Variants in COBL observed in about 807,000 individuals in gnomAD.
COBL encodes the protein protein cordon-bleu.
COBL carries 51 observed loss-of-function variants against 98.8 expected under a neutral mutation model. The ratio of observed to expected loss-of-function variants is 0.52; its 90% CI spans 0.41 to 0.65. The LOEUF is 0.65. Ranked by LOEUF, COBL falls within the 30% of genes least tolerant of loss-of-function variation. The pLI, the probability that COBL is intolerant of heterozygous loss-of-function variation, is 0.00. For synonymous variants in COBL, 634 were observed against 651.7 expected, an observed-to-expected ratio of 0.97 and a Z score of 0.41; for missense variants, 1,617 against 1,617.5, an observed-to-expected ratio of 1.00 and a Z score of 0.01.
intron 6 of COBL, among the ~76,000 whole-genome samples, chr7:51,097,858 C>G (rs1795420795): frequency 6.6e-6 from 1 of 151,776 alleles, no homozygotes; most frequent in Admixed American, 6.6e-5. Flanking sequence ...CCTGTCTCTA[C>G]TAAAAATACA....
chr7:51,180,936 G>A (rs1701306386), intron 5 of COBL, among the ~76,000 whole-genome samples: 1 of 152,116 alleles, frequency 6.6e-6, no homozygotes, highest in African/African-American at 2.4e-5. Flanking sequence ...TATTGCTTGT[G>A]GTTTTATTTC....
chr7:51,312,863 C>T (rs1803190993), intron 1 of COBL, among the ~76,000 whole-genome samples: 1 of 152,170 alleles, frequency 6.6e-6, no homozygotes. Context: ...TTTAATCATA[C>T]TTCAGTTCTA....
intron 4 of COBL, among the ~76,000 whole-genome samples, chr7:51,184,938 A>G (rs2129052768): frequency 6.6e-6 from 1 of 152,360 alleles, no homozygotes; most frequent in South Asian, 2.1e-4. Context: ...AAACAACTGC[A>G]TCAAATCTCC....
At chr7:51,098,224 C>CTTTTTTTGTTTTTTTTTTTTTTTTTTT (rs1795481249) in intron 6 of COBL, among the ~76,000 whole-genome samples, 1 of 100,846 alleles carries the variant, frequency 9.9e-6, no homozygotes, top group Non-Finnish European at 1.9e-5. Context: ...ATAGCAGTTT[C>CTTTTTTTGTTTTTTTTTTTTTTTTTTT]TTTTTTTTTT....
chr7:51,119,026 A>T (rs1441275672), intron 6 of COBL, among the ~76,000 whole-genome samples: 1 of 152,234 alleles, frequency 6.6e-6, no homozygotes, highest in African/African-American at 2.4e-5. Flanking sequence ...TTATTTTCTA[A>T]TATACAATTA....
chr7:51,027,942 G>A lies in COBL; in HGVS notation c.3154C>T (p.Pro1052Ser). Residue 1052 changes from proline (P) to serine (S), a missense_variant, in exon 10 of 13, where the codon CCT becomes TCT. Physicochemically the swap from Pro to Ser is moderately conservative, Grantham distance 74. Coordinates refer to ENST00000265136, the MANE Select transcript of COBL (RefSeq NM_015198.5). ...RAPGHGEPSH[P>S]PGGSGTESHI... ...CTTTCTGTGCCAGACCCTCCTGGAG[G>A]GTGGGAAGGCTCGCCGTGGCCTGGG... The A allele has an allele frequency of 1.2e-6, 2 of 1,612,836 alleles. No individual in the cohort carries two copies. Among genetic ancestry groups the A allele is most frequent in the East Asian group, 4.5e-5 (2 of 44,860 alleles).
chr7:51,154,600 C>G (rs1239535518), intron 5 of COBL, among the ~76,000 whole-genome samples: 1 of 152,214 alleles, frequency 6.6e-6, no homozygotes, highest in African/African-American at 2.4e-5. Flanking sequence ...GGCACCTCCC[C>G]TCCTCTCTGA....
At chr7:51,068,921 C>T (rs1792242355) in intron 7 of COBL, among the ~76,000 whole-genome samples, 1 of 152,196 alleles carries the variant, frequency 6.6e-6, no homozygotes, top group Non-Finnish European at 1.5e-5. Flanking sequence ...TCACTCTTCA[C>T]ATCTAAGGTT....
At chr7:51,141,810 GC>G (rs1799777864) in intron 5 of COBL, among the ~76,000 whole-genome samples, 1 of 152,120 alleles carries the variant, frequency 6.6e-6, no homozygotes, top group Non-Finnish European at 1.5e-5. Context: ...GGGCAGAGCA[GC>G]TCAGGTCTGT....
chr7:51,269,847 G>A (rs763812076), intron 1 of COBL, among the ~76,000 whole-genome samples: 1 of 152,184 alleles, frequency 6.6e-6, no homozygotes, highest in Non-Finnish European at 1.5e-5. Context: ...GACAAGAGGT[G>A]CTCTGTCTCC....
chr7:51,234,587 A>G (rs927924530), intron 1 of COBL, among the ~76,000 whole-genome samples: 1 of 151,788 alleles, frequency 6.6e-6, no homozygotes. Context: ...TGTAGCCCCA[A>G]CTATTCTGGT....
At chr7:51,202,593 T>C (rs141796759) in intron 2 of COBL, among the ~76,000 whole-genome samples, 2,133 of 152,214 alleles carry the variant, frequency 0.014, 49 homozygotes, top group African/African-American at 0.049. Context: ...CACAACACAA[T>C]CTTGAGCAAC....
chr7:51,111,688 A>G (rs993616069), intron 6 of COBL, among the ~76,000 whole-genome samples: 4 of 152,132 alleles, frequency 2.6e-5, no homozygotes, highest in African/African-American at 9.7e-5. Context: ...GGGCCCCTGC[A>G]TGCTCCTTGA....
chr7:51,115,752 A>G (rs1317740116), intron 6 of COBL, among the ~76,000 whole-genome samples: 1 of 152,074 alleles, frequency 6.6e-6, no homozygotes, highest in African/African-American at 2.4e-5. Context: ...AGTGTTGGTC[A>G]GATCCTCTAT....
rs531529738 is a variant in COBL at position 51,027,717 on chromosome 7, G to C, written c.3379C>G (p.Arg1127Gly). 1 of 1,611,752 alleles carries C rather than the reference G, an allele frequency of 6.2e-7. No homozygotes were observed. Among genetic ancestry groups the C allele is most frequent in the South Asian group, 1.1e-5 (1 of 90,712 alleles). ...IHSAGGKDRL[R>G]KTAEHTGEGR... ...CCGGAAGCCGCCATCCTCACCTTGCGTAGTCTGTCCTTCCCTCCCGCAGAG... is the reference window on the plus strand; with the variant it reads ...CCGGAAGCCGCCATCCTCACCTTGCCTAGTCTGTCCTTCCCTCCCGCAGAG... Residue 1127 changes from arginine (R) to glycine (G), a missense_variant, in exon 10 of 13, where the codon CGC becomes GGC. This residue lies in a region of COBL where 1,304 missense variants were observed against 1,282.0 expected (regional missense o/e 1.02). Transcript: ENST00000265136.
intron 1 of COBL, among the ~76,000 whole-genome samples, chr7:51,250,333 C>A (rs1381464045): frequency 6.6e-6 from 1 of 152,086 alleles, no homozygotes; most frequent in African/African-American, 2.4e-5. Context: ...TTTATTACTG[C>A]CAGTTGCCTA....
intron 5 of COBL, among the ~76,000 whole-genome samples, chr7:51,165,761 A>G (rs1787256113): frequency 1.3e-5 from 2 of 152,084 alleles, no homozygotes; most frequent in South Asian, 4.1e-4. Context: ...AATAATATCA[A>G]GCATCTTCTC....
At chr7:51,056,992 C>G (rs1790817125) in intron 7 of COBL, among the ~76,000 whole-genome samples, 1 of 152,136 alleles carries the variant, frequency 6.6e-6, no homozygotes, top group South Asian at 2.1e-4. Context: ...TTCTGAGTAG[C>G]CTGGTGAAAT....
chr7:51,172,369 G>T, intron 5 of COBL: 3 of 805,086 alleles, frequency 3.7e-6, no homozygotes, highest in Non-Finnish European at 5.2e-6. Flanking sequence ...AACTAAACCA[G>T]TCTGTGATTT....
Sources: gnomAD v4.1 joint callset for allele counts (sites outside exome capture counted in the v4.1 genomes callset) on GRCh38, gnomAD v4.1.1 for gene constraint, gnomAD v4.1.1 regional missense constraint, MANE v1.5 for transcripts, NCBI Gene and HGNC (gene_info 2026-07-23, HGNC 2026-07-21) for gene names.